Variants in SNTG2 observed in about 807,000 individuals in gnomAD.
SNTG2 encodes syntrophin gamma 2, also known as gamma-2-syntrophin.
SNTG2 carries 74 observed loss-of-function variants against 70.9 expected under a neutral mutation model. The observed-to-expected ratio is 1.04, with a 90% CI of 0.86 to 1.27. The LOEUF (loss-of-function observed/expected upper bound fraction) is 1.27, where lower values mean the gene tolerates loss of function less well. SNTG2 is among the 50% of genes most tolerant of loss of function. The probability of loss-of-function intolerance (pLI) is 0.00; values close to 1 mark genes in which losing one functional copy is unlikely to be tolerated. For missense variants in SNTG2, 717 were observed against 690.7 expected (o/e 1.04, Z -0.43); for synonymous variants, 278 against 273.8 (o/e 1.02, Z -0.15).
At chr2:1,187,507 T>G (rs996092230) in intron 8 of SNTG2, among the ~76,000 whole-genome samples, 18 of 152,308 alleles carry the variant, frequency 1.2e-4, no homozygotes, top group Middle Eastern at 3.4e-3. Flanking sequence ...CTTCAGATTT[T>G]GGATTTCTCA....
At chr2:1,327,667 C>T (rs1360295693) in intron 16 of SNTG2, among the ~76,000 whole-genome samples, 8 of 152,130 alleles carry the variant, frequency 5.3e-5, no homozygotes, top group Admixed American at 6.5e-5. Flanking sequence ...ATGCAGGTAT[C>T]GTAAAAGCAA....
Position 1,156,283 on chromosome 2 carries a change from A to T in SNTG2, c.412-9265A>T, listed in dbSNP as rs556872738. On this transcript the variant is annotated intron_variant, in intron 6 of 16. Coordinates refer to ENST00000308624, the MANE Select transcript of SNTG2 (RefSeq NM_018968.4). Reference sequence around the variant, plus strand: ...AAGGGAGGGATTCCTGTGGCCTTAGATAGATCGAGGGCAGCTCTTTTGTTG... The same window carrying T: ...AAGGGAGGGATTCCTGTGGCCTTAGTTAGATCGAGGGCAGCTCTTTTGTTG... Among the ~76,000 whole-genome samples the T allele has an allele frequency of 5.5e-4, 84 of 152,230 alleles. 1 individual carries two copies. In the South Asian group the frequency reaches 0.017, roughly 31 times the overall value.
rs141033904 is a variant in SNTG2, at chr2:1,231,352, G to A, written c.720-6536G>A. Among the ~76,000 whole-genome samples, 30 of 152,326 alleles carry A rather than the reference G, an allele frequency of 2.0e-4. No homozygotes were observed. The East Asian group carries it at 5.0e-3, about 26-fold the overall frequency. On this transcript the variant is annotated intron_variant, in intron 9 of 16. Coordinates refer to ENST00000308624, the MANE Select transcript of SNTG2 (RefSeq NM_018968.4). Reference sequence around the variant, plus strand: ...TGCGGGGGTGAAATAGATCCGAAACGTGAATTACTTAGGATAGAGCCTGGC... The same window carrying A: ...TGCGGGGGTGAAATAGATCCGAAACATGAATTACTTAGGATAGAGCCTGGC...
At chr2:1,133,918 G>T (rs1022010104) in intron 4 of SNTG2, among the ~76,000 whole-genome samples, 1 of 150,868 alleles carries the variant, frequency 6.6e-6, no homozygotes, top group Admixed American at 6.6e-5. Context: ...GGACCCTCGC[G>T]GTGAGTGTTA....
intron 14 of SNTG2, among the ~76,000 whole-genome samples, chr2:1,283,343 C>T (rs1453266266): frequency 6.6e-6 from 1 of 152,184 alleles, no homozygotes; most frequent in Non-Finnish European, 1.5e-5. Context: ...GTGCCCACCC[C>T]TTTGCCTCCC....
intron 6 of SNTG2, 139 bp downstream of exon 6, chr2:1,137,948 C>G: frequency 1.1e-6 from 1 of 898,702 alleles, no homozygotes; most frequent in Non-Finnish European, 1.7e-6. Context: ...TTTAGTAAAT[C>G]ATGTTACAAA....
chr2:1,106,327 T>G (rs1229737558), intron 4 of SNTG2, among the ~76,000 whole-genome samples: 8 of 113,082 alleles, frequency 7.1e-5, no homozygotes, highest in Admixed American at 9.6e-5. Flanking sequence ...TCCTTGATAA[T>G]AATGGACACG....
intron 13 of SNTG2, among the ~76,000 whole-genome samples, chr2:1,262,683 C>A (rs1258547460): frequency 1.4e-5 from 2 of 141,832 alleles, no homozygotes; most frequent in East Asian, 3.9e-4. Flanking sequence ...GACGAGGCAA[C>A]CGGAAGGCTC....
intron 1 of SNTG2, among the ~76,000 whole-genome samples, chr2:972,672 C>T (rs1660782118): frequency 6.6e-6 from 1 of 152,052 alleles, no homozygotes; most frequent in African/African-American, 2.4e-5. Context: ...TTGGCACCAT[C>T]CCCTTGGTAC....
intron 8 of SNTG2, among the ~76,000 whole-genome samples, chr2:1,203,690 ATGTGTG>A (rs1553355281): frequency 4.4e-4 from 62 of 141,370 alleles, no homozygotes; most frequent in African/African-American, 1.6e-3. Flanking sequence ...ATATATATAT[ATGTGTG>A]TGTGTGTGTG....
At chr2:999,822 A>G (rs528466881) in intron 1 of SNTG2, among the ~76,000 whole-genome samples, 2 of 152,110 alleles carry the variant, frequency 1.3e-5, no homozygotes, top group Admixed American at 1.3e-4. Flanking sequence ...TGCAGATTAT[A>G]TACTCTTCTC....
Position 1,083,025 on chromosome 2 carries a change from C to T in SNTG2, c.73-493C>T, listed in dbSNP as rs181512560. On this transcript the variant is annotated intron_variant, in intron 1 of 16. Coordinates refer to ENST00000308624, the MANE Select transcript of SNTG2 (RefSeq NM_018968.4). ...GCAGCCCCTGCAGGAGCTTGGGCCACGCCCACCTGCTCCCTTCTGAGAAGG... is the reference window on the plus strand; with the variant it reads ...GCAGCCCCTGCAGGAGCTTGGGCCATGCCCACCTGCTCCCTTCTGAGAAGG... 4.1e-4 allele frequency among the ~76,000 whole-genome samples: 63 copies of T among 152,272 alleles called. No individual in the cohort carries two copies. In the South Asian group the frequency reaches 6.4e-3, roughly 16 times the overall value.
intron 8 of SNTG2, among the ~76,000 whole-genome samples, chr2:1,181,361 G>T (rs1299834246): frequency 6.6e-6 from 1 of 152,132 alleles, no homozygotes; most frequent in African/African-American, 2.4e-5. Flanking sequence ...TCTTGAAAGA[G>T]GTGAGTTGGA....
intron 13 of SNTG2, among the ~76,000 whole-genome samples, chr2:1,263,982 GAAC>G (rs113977194): frequency 0.093 from 14,089 of 152,184 alleles, 713 homozygotes; most frequent in South Asian, 0.15. Context: ...ATTGACCTTT[GAAC>G]AATATGGGCT....
rs1359208701 is a variant in SNTG2, at chr2:1,239,702, G to C, written c.850-36G>C. ...TCAGGTGAGCCATCCTGGTGTTGGT[G>C]GCTGTGGCCCTGACTCTTCTGCCTT... On this transcript the variant is annotated intron_variant, in intron 10 of 16. Coordinates refer to ENST00000308624, the MANE Select transcript of SNTG2 (RefSeq NM_018968.4). 5 of 1,610,372 alleles carry C rather than the reference G, an allele frequency of 3.1e-6. No individual in the cohort carries two copies. In the African/African-American group the frequency reaches 4.0e-5, roughly 13 times the overall value.
chr2:1,078,356 C>T lies in SNTG2; in HGVS notation c.73-5162C>T, dbSNP rs377167376. On this transcript the variant is annotated intron_variant, in intron 1 of 16. Coordinates refer to ENST00000308624, the MANE Select transcript of SNTG2 (RefSeq NM_018968.4). Reference sequence around the variant, plus strand: ...AAGAGCAGTGGGGATGGCGGAGTTCCGATTTTAACTGGTCAGTTAGGGAAG... The same window carrying T: ...AAGAGCAGTGGGGATGGCGGAGTTCTGATTTTAACTGGTCAGTTAGGGAAG... Among the ~76,000 whole-genome samples the T allele has an allele frequency of 8.5e-5, 13 of 152,224 alleles. No homozygotes were observed. In the East Asian group the frequency reaches 1.7e-3, roughly 20 times the overall value.
At position 977,049 on chromosome 2, in the gene SNTG2, A is replaced by G. The variant is rs193238722; in HGVS notation, c.72+25981A>G. On this transcript the variant is annotated intron_variant, in intron 1 of 16. Transcript: ENST00000308624. ...ACCATCGTATATGCCTGCTCTCTGCACGGCCTTCCTAGCTTCCTCCTGCCA... is the reference window on the plus strand; with the variant it reads ...ACCATCGTATATGCCTGCTCTCTGCGCGGCCTTCCTAGCTTCCTCCTGCCA... Among the ~76,000 whole-genome samples the G allele has an allele frequency of 2.6e-4, 40 of 152,284 alleles. 1 individual carries two copies. Among genetic ancestry groups the G allele is most frequent in the Admixed American group, 1.2e-3 (18 of 15,302 alleles).
intron 8 of SNTG2, among the ~76,000 whole-genome samples, chr2:1,206,706 C>T (rs1379528318): frequency 6.6e-6 from 1 of 152,180 alleles, no homozygotes; most frequent in African/African-American, 2.4e-5. Flanking sequence ...GCTGCACCTA[C>T]AAGCTCTGCA....
At chr2:1,129,604 C>T (rs182770307) in intron 4 of SNTG2, among the ~76,000 whole-genome samples, 5 of 152,286 alleles carry the variant, frequency 3.3e-5, no homozygotes, top group Non-Finnish European at 7.4e-5. Flanking sequence ...TATTATTTGT[C>T]ATTCTAAGTA....
Sources: allele counts gnomAD v4.1 joint callset (sites outside exome capture counted in the v4.1 genomes callset), GRCh38; gene constraint gnomAD v4.1.1; transcripts MANE v1.5; gene names NCBI Gene and HGNC (gene_info 2026-07-23, HGNC 2026-07-21).